The following CSMD1 variants were observed in gnomAD, a reference collection of about 807,000 sequenced individuals.
The protein encoded by CSMD1 is CUB and sushi domain-containing protein 1.
CSMD1 carries 213 observed loss-of-function variants against 417.5 expected under a neutral mutation model. That is an observed-to-expected ratio of 0.51 (90% CI 0.46 to 0.57). CSMD1 has a LOEUF of 0.57. CSMD1 is among the 20% of genes least tolerant of loss of function. The pLI is 0.00. For synonymous variants in CSMD1, 2,862 were observed against 1,736.8 expected (o/e 1.65, Z -16.11); for missense variants, 6,923 against 4,529.7 (o/e 1.53, Z -15.17).
At chr8:4,240,338 T>C (rs937034477) in intron 3 of CSMD1, among the ~76,000 whole-genome samples, 1 of 152,216 alleles carries the variant, frequency 6.6e-6, no homozygotes, top group Non-Finnish European at 1.5e-5. Context: ...GCTGCATCTT[T>C]GCTAAAAAGG....
intron 5 of CSMD1, among the ~76,000 whole-genome samples, chr8:3,984,387 T>C (rs1331853242): frequency 6.6e-6 from 1 of 152,170 alleles, no homozygotes; most frequent in African/African-American, 2.4e-5. Context: ...ATTTAGACTT[T>C]TCAATTCTAA....
At chr8:4,059,164 A>C (rs1433986146) in intron 3 of CSMD1, among the ~76,000 whole-genome samples, 2 of 152,204 alleles carry the variant, frequency 1.3e-5, no homozygotes, top group South Asian at 4.1e-4. Context: ...AACTACACAG[A>C]AACTGAACAA....
chr8:3,426,417 C>T (rs1037565209), intron 12 of CSMD1, among the ~76,000 whole-genome samples: 18 of 152,090 alleles, frequency 1.2e-4, no homozygotes, highest in Non-Finnish European at 2.5e-4. Flanking sequence ...TCTAACTTTG[C>T]TTTTTTATTA....
chr8:3,069,267 G>A (rs541610626), intron 49 of CSMD1, among the ~76,000 whole-genome samples: 17 of 151,648 alleles, frequency 1.1e-4, no homozygotes, highest in East Asian at 2.0e-4. Context: ...ACACCCTGTC[G>A]CTACTAAAAA....
At chr8:4,562,973 C>G (rs1341274409) in intron 2 of CSMD1, among the ~76,000 whole-genome samples, 2 of 152,126 alleles carry the variant, frequency 1.3e-5, no homozygotes, top group Non-Finnish European at 2.9e-5. Flanking sequence ...TAAGCAAAAT[C>G]TATCCTGTAG....
rs566593860 is a variant in CSMD1, at chr8:3,411,705, T to C, written c.1562-2100A>G. Among the ~76,000 whole-genome samples, 23 of 136,322 alleles carry C rather than the reference T, an allele frequency of 1.7e-4. 1 individual carries two copies. The highest frequency in any genetic ancestry group is 5.0e-4 in the East Asian group (2 of 3,968). 89.4% of individuals were successfully genotyped at this position (136,322 alleles called of 152,430 possible). ...ACGTGTATATATACACACGTATATA[T>C]ACACGTATATATACACGTACATATA... On this transcript the variant is annotated intron_variant, in intron 12 of 69. Transcript: ENST00000635120.
At chr8:4,297,610 A>T (rs1013269671) in intron 3 of CSMD1, among the ~76,000 whole-genome samples, 7 of 152,168 alleles carry the variant, frequency 4.6e-5, no homozygotes, top group Non-Finnish European at 8.8e-5. Context: ...AGGCTAAGAT[A>T]GCCTGAAATT....
At chr8:3,809,962 C>T (rs929322089) in intron 5 of CSMD1, among the ~76,000 whole-genome samples, 5 of 152,206 alleles carry the variant, frequency 3.3e-5, no homozygotes, top group Non-Finnish European at 7.3e-5. Flanking sequence ...CAAGGGCCTT[C>T]CAACTTCTTT....
intron 36 of CSMD1, among the ~76,000 whole-genome samples, chr8:3,187,077 C>T (rs1796094854): frequency 1.3e-5 from 2 of 152,166 alleles, no homozygotes; most frequent in Admixed American, 1.3e-4. Context: ...TTCATGTTAA[C>T]AGAAGTTCAT....
At chr8:3,990,846 G>C (rs544928132) in intron 5 of CSMD1, among the ~76,000 whole-genome samples, 36 of 152,266 alleles carry the variant, frequency 2.4e-4, no homozygotes, top group African/African-American at 7.0e-4. Flanking sequence ...GAATCAGAGA[G>C]TGCAGCTGCC....
chr8:2,974,159 G>C (rs1392373757), intron 56 of CSMD1, among the ~76,000 whole-genome samples: 2 of 152,258 alleles, frequency 1.3e-5, no homozygotes, highest in East Asian at 1.9e-4. Context: ...AGAATAAAGA[G>C]CGAACAGGGA....
intron 8 of CSMD1, among the ~76,000 whole-genome samples, chr8:3,613,819 T>G (rs1802008933): frequency 6.6e-6 from 1 of 151,740 alleles, no homozygotes; most frequent in African/African-American, 2.4e-5. Flanking sequence ...ATGTCATAAC[T>G]ATAATGAAAG....
At chr8:4,606,918 T>C (rs992230785) in intron 2 of CSMD1, among the ~76,000 whole-genome samples, 1 of 152,210 alleles carries the variant, frequency 6.6e-6, no homozygotes, top group African/African-American at 2.4e-5. Flanking sequence ...TATAGCTTTA[T>C]TTCATTGTAC....
intron 41 of CSMD1, chr8:3,128,770 C>CGT: frequency 2.4e-6 from 1 of 416,268 alleles, no homozygotes. Flanking sequence ...AAATTAATGG[C>CGT]GTACAATAAA....
chr8:4,197,549 A>G (rs1287897157), intron 3 of CSMD1, among the ~76,000 whole-genome samples: 1 of 152,108 alleles, frequency 6.6e-6, no homozygotes, highest in Admixed American at 6.5e-5. Context: ...CAACTAAAAC[A>G]CTGGTTCTAT....
intron 10 of CSMD1, among the ~76,000 whole-genome samples, chr8:3,553,662 T>A (rs1451197458): frequency 2.6e-5 from 4 of 152,216 alleles, no homozygotes; most frequent in Non-Finnish European, 5.9e-5. Context: ...GACTCTTTGT[T>A]AACTTGGGAT....
intron 2 of CSMD1, among the ~76,000 whole-genome samples, chr8:4,594,198 T>TTTTTTTTC: frequency 7.1e-6 from 1 of 140,856 alleles, no homozygotes; most frequent in African/African-American, 2.7e-5. Flanking sequence ...AAGTGATCTT[T>TTTTTTTTC]TTTTTTTTTT....
Position 3,663,329 on chromosome 8 carries a change from G to T in CSMD1, c.1009+45085C>A, listed in dbSNP as rs913775345. ...GAATATATTTTTCAGAGGTAGGCATGGTGCGTTCTGTTTGGAACATGGCAA... is the reference window on the plus strand; with the variant it reads ...GAATATATTTTTCAGAGGTAGGCATTGTGCGTTCTGTTTGGAACATGGCAA... On this transcript the variant is annotated intron_variant, in intron 7 of 69. Coordinates refer to ENST00000635120, the MANE Select transcript of CSMD1 (RefSeq NM_033225.6). Among the ~76,000 whole-genome samples the T allele has an allele frequency of 5.3e-5, 8 of 152,162 alleles. No individual in the cohort carries two copies. In the East Asian group the frequency reaches 1.2e-3, roughly 22 times the overall value.
intron 11 of CSMD1, among the ~76,000 whole-genome samples, chr8:3,487,050 G>A (rs1257707018): frequency 2.0e-5 from 3 of 152,154 alleles, no homozygotes; most frequent in African/African-American, 2.4e-5. Flanking sequence ...GCACTTACCT[G>A]GCATAACAAC....
Sources: allele counts gnomAD v4.1 joint callset (sites outside exome capture counted in the v4.1 genomes callset), GRCh38; gene constraint gnomAD v4.1.1; transcripts MANE v1.5; gene names NCBI Gene and HGNC (gene_info 2026-07-23, HGNC 2026-07-21).